Variants in STON2 observed in about 807,000 individuals in gnomAD.
The protein encoded by STON2 is stonin 2.
Under a neutral mutation model 65.7 loss-of-function variants are expected in STON2, and 29 were observed. That is an observed-to-expected ratio of 0.44 (90% confidence interval 0.33 to 0.60). The LOEUF (loss-of-function observed/expected upper bound fraction) is 0.60, where lower values mean the gene tolerates loss of function less well. Among genes scored for constraint, STON2 ranks in the 20% least tolerant of loss-of-function variants. The probability of loss-of-function intolerance (pLI) is 0.03; values close to 1 mark genes in which losing one functional copy is unlikely to be tolerated. For synonymous variants in STON2, 404 were observed against 414.2 expected (o/e 0.98, Z 0.30); for missense variants, 1,054 against 1,118.1 (o/e 0.94, Z 0.82).
intron 5 of STON2, among the ~76,000 whole-genome samples, chr14:81,285,024 A>G (rs1895280250): frequency 6.6e-6 from 1 of 152,198 alleles, no homozygotes; most frequent in Non-Finnish European, 1.5e-5. Context: ...AAATATTACT[A>G]CGCACTGACA....
At chr14:81,287,047 G>A (rs1247656092) in intron 5 of STON2, among the ~76,000 whole-genome samples, 2 of 152,144 alleles carry the variant, frequency 1.3e-5, no homozygotes, top group African/African-American at 4.8e-5. Flanking sequence ...ATTAATTAAG[G>A]ATTAACATCT....
chr14:81,290,386 G>A (rs1451482240), intron 5 of STON2, among the ~76,000 whole-genome samples: 1 of 152,166 alleles, frequency 6.6e-6, no homozygotes, highest in East Asian at 1.9e-4. Context: ...TTGGTCAGGG[G>A]GCTGGTGATA....
In STON2 at chr14:81,278,150, T is replaced by G. The variant is rs1226357336; in HGVS notation, c.1332A>C (p.Gln444His). 6.2e-7 allele frequency: 1 copy of G among 1,613,758 alleles called. No individual in the cohort carries two copies. The highest frequency in any genetic ancestry group is 8.5e-7 in the Non-Finnish European group (1 of 1,179,978). Residue 444 changes from glutamine to histidine, a missense_variant, in exon 6 of 8, where the codon CAA becomes CAC. Transcript: ENST00000614646. Reference protein sequence around the residue: ...SHSDAVEKLKQLQIDDPDHFG... With the variant: ...SHSDAVEKLKHLQIDDPDHFG... ...AGTGATCAGGGTCATCAATTTGGAG[T>G]TGTTTGAGTTTTTCAACAGCATCAG...
At chr14:81,366,129 GC>G (rs750993607) in intron 4 of STON2, among the ~76,000 whole-genome samples, 6 of 152,122 alleles carry the variant, frequency 3.9e-5, no homozygotes, top group Admixed American at 2.0e-4. Flanking sequence ...CTCCAGCTCT[GC>G]CCCCCCGCAC....
intron 5 of STON2, among the ~76,000 whole-genome samples, chr14:81,296,627 T>C (rs78299507): frequency 0.017 from 2,535 of 152,264 alleles, 67 homozygotes; most frequent in African/African-American, 0.051. Context: ...GCAAAAGACA[T>C]AAAGATGAAC....
At position 81,263,748 on chromosome 14, in the gene STON2, A is replaced by G; in HGVS notation, c.*4666T>C. 2.0e-6 allele frequency: 2 copies of G among 985,338 alleles called. No homozygotes were observed. The highest frequency in any genetic ancestry group is 2.4e-6 in the Non-Finnish European group (2 of 829,896). The allele number at this position is 985,338 out of a possible 1,614,324, so 61.0% of individuals were successfully genotyped here. On this transcript the variant is annotated 3_prime_UTR_variant, in exon 8 of 8. Coordinates refer to ENST00000614646, the MANE Select transcript of STON2 (RefSeq NM_001394390.1). ...TAATCCTCATTTTTAGAAGAGTTAA[A>G]GTTACCACTCGAACTGGGAGCATTT... is the stretch of plus-strand genomic sequence containing the variant.
intron 5 of STON2, among the ~76,000 whole-genome samples, chr14:81,315,393 C>G (rs114816995): frequency 7.9e-5 from 12 of 152,338 alleles, no homozygotes; most frequent in African/African-American, 2.9e-4. Flanking sequence ...GATTCTTAGC[C>G]CCTGCTTTGT....
intron 1 of STON2, among the ~76,000 whole-genome samples, chr14:81,432,168 G>A (rs1290507068): frequency 6.6e-6 from 1 of 151,962 alleles, no homozygotes; most frequent in African/African-American, 2.4e-5. Context: ...CCATGCTTAC[G>A]AATGAGAAAA....
At chr14:81,342,067 T>C (rs781410668) in intron 4 of STON2, among the ~76,000 whole-genome samples, 4 of 152,176 alleles carry the variant, frequency 2.6e-5, no homozygotes, top group Non-Finnish European at 4.4e-5. Flanking sequence ...TAAACCACGC[T>C]AGACTGTTAA....
At chr14:81,320,310 AAAGT>A (rs1359985703) in intron 5 of STON2, among the ~76,000 whole-genome samples, 1 of 150,538 alleles carries the variant, frequency 6.6e-6, no homozygotes, top group Non-Finnish European at 1.5e-5. Context: ...TCTGTTGGCT[AAAGT>A]AAGTAAAAAG....
At chr14:81,358,307 T>G (rs1341525377) in intron 4 of STON2, among the ~76,000 whole-genome samples, 2 of 152,188 alleles carry the variant, frequency 1.3e-5, no homozygotes, top group East Asian at 3.8e-4. Flanking sequence ...AGAGTTGTTA[T>G]ATACAATCAA....
rs909758841 is a variant in STON2, at chr14:81,407,063, G to A, written c.-198-8483C>T. Among the ~76,000 whole-genome samples, 39 of 152,190 alleles carry A rather than the reference G, an allele frequency of 2.6e-4. 1 individual carries two copies. The highest frequency in any genetic ancestry group is 2.6e-3 in the Admixed American group (39 of 15,282). On this transcript the variant is annotated intron_variant, in intron 2 of 8. Coordinates refer to the STON2 transcript ENST00000553821. ...CTCTTCCCTGGAAAAGAGCCAAGGC[G>A]AGTGTCAGGCTCACCTCAGGATAGA...
At chr14:81,397,045 C>T (rs1185030310) in intron 2 of STON2, among the ~76,000 whole-genome samples, 3 of 152,014 alleles carry the variant, frequency 2.0e-5, no homozygotes, top group African/African-American at 4.8e-5. Context: ...GCAACAAGAG[C>T]GAAACTCCGT....
chr14:81,426,388 CT>C (rs1410620706), intron 2 of STON2, among the ~76,000 whole-genome samples: 1 of 152,162 alleles, frequency 6.6e-6, no homozygotes, highest in Admixed American at 6.5e-5. Flanking sequence ...GGCATGTCCC[CT>C]GATTCAACCC....
At chr14:81,321,159 C>T (rs1378717536) in intron 5 of STON2, among the ~76,000 whole-genome samples, 1 of 152,164 alleles carries the variant, frequency 6.6e-6, no homozygotes, top group Non-Finnish European at 1.5e-5. Context: ...TCTAGCATCT[C>T]TACAGCTAAG....
At position 81,278,518 on chromosome 14, in the gene STON2, C is replaced by T; in HGVS notation, c.964G>A (p.Val322Ile). ...AATGATCCCATTGAATTATAAGGTA[C>T]ATCTGGGATCACAGATGCACTTGGT... is the stretch of plus-strand genomic sequence containing the variant. ...TPPSASVIPD[V>I]PYNSMGSFKK... The change falls in exon 6 of 8, where the codon GTA becomes ATA. Residue 322 changes from valine to isoleucine, a missense_variant. Physicochemically the swap from Val to Ile is conservative, Grantham distance 29. Coordinates refer to ENST00000614646, the MANE Select transcript of STON2 (RefSeq NM_001394390.1). 6.2e-7 allele frequency: 1 copy of T among 1,614,060 alleles called. No homozygotes were observed. Among genetic ancestry groups the T allele is most frequent in the Non-Finnish European group, 8.5e-7 (1 of 1,179,950 alleles).
At chr14:81,398,892 A>T (rs1000605841) in intron 1 of STON2, among the ~76,000 whole-genome samples, 22 of 152,258 alleles carry the variant, frequency 1.4e-4, no homozygotes, top group African/African-American at 5.3e-4. Flanking sequence ...TCATTGCTAA[A>T]CAAATATTAA....
At chr14:81,345,998 G>A (rs1032999057) in intron 4 of STON2, among the ~76,000 whole-genome samples, 3 of 152,210 alleles carry the variant, frequency 2.0e-5, no homozygotes, top group South Asian at 4.1e-4. Context: ...AAGTGGTGAT[G>A]TGATTTGTTC....
intron 5 of STON2, among the ~76,000 whole-genome samples, chr14:81,293,149 T>C (rs971854192): frequency 2.0e-5 from 3 of 151,608 alleles, no homozygotes; most frequent in Non-Finnish European, 4.4e-5. Context: ...CTAGGAAGCC[T>C]TCACCTTAGT....
Sources: allele counts gnomAD v4.1 joint callset (sites outside exome capture counted in the v4.1 genomes callset), GRCh38; gene constraint gnomAD v4.1.1; transcripts MANE v1.5; gene names NCBI Gene and HGNC (gene_info 2026-07-23, HGNC 2026-07-21).